Variants in PFAS observed in about 807,000 individuals in gnomAD.
PFAS encodes the protein phosphoribosylformylglycinamidine synthase.
PFAS carries 97 observed loss-of-function variants against 140.6 expected under a neutral mutation model. The observed-to-expected ratio is 0.69, with a 90% CI of 0.59 to 0.82. PFAS has a LOEUF of 0.82. PFAS is among the 40% of genes least tolerant of loss of function. PFAS has a pLI of 0.00. For synonymous variants in PFAS, 679 were observed against 718.8 expected (o/e 0.94, Z 0.88); for missense variants, 1,656 against 1,780.2 (o/e 0.93, Z 1.26).
Position 8,258,273 on chromosome 17 carries a change from T to G in PFAS, c.1336+74T>G, listed in dbSNP as rs1049506698. ...ACAGGATGGCTACAGGGAGGGAACT[T>G]AGGGAACACTTCAGTGGTTAGTTTT... On this transcript the variant is annotated intron_variant, in intron 11 of 27. Coordinates refer to ENST00000314666, the MANE Select transcript of PFAS (RefSeq NM_012393.3). The G allele has an allele frequency of 1.5e-5, 23 of 1,516,330 alleles. No individual in the cohort carries two copies. The Admixed American group carries it at 4.1e-4, about 27-fold the overall frequency. 93.9% of individuals were successfully genotyped at this position (1,516,330 alleles called of 1,614,324 possible). A position where few individuals can be genotyped will look rare whatever the true frequency, so the allele number is the denominator to read the frequency against.
In PFAS at chr17:8,265,846, C is replaced by T; in HGVS notation, c.2546-16C>T. On this transcript the variant is annotated splice_polypyrimidine_tract_variant and intron_variant, in intron 20 of 27. Transcript: ENST00000314666. ...CTGAGCTGTTCCCCTCCCCTCACCC[C>T]TCCCCGTCTCCCCAGGCCATCTGCT... The T allele has an allele frequency of 6.3e-7, 1 of 1,586,300 alleles. No individual in the cohort carries two copies. Among genetic ancestry groups the T allele is most frequent in the South Asian group, 1.2e-5 (1 of 86,568 alleles).
chr17:8,249,889 A>T (rs1989082677), intron 1 of PFAS, among the ~76,000 whole-genome samples: 1 of 150,908 alleles, frequency 6.6e-6, no homozygotes, highest in African/African-American at 2.5e-5. Flanking sequence ...AAGCAGCAAC[A>T]TCCCATGCCC....
Position 8,263,106 on chromosome 17 carries a change from C to A in PFAS, c.1411-3C>A, listed in dbSNP as rs770488452. The A allele has an allele frequency of 5.0e-6, 8 of 1,613,956 alleles. No homozygotes were observed. Among genetic ancestry groups the A allele is most frequent in the Non-Finnish European group, 5.9e-6 (7 of 1,179,826 alleles). On this transcript the variant is annotated splice_polypyrimidine_tract_variant and splice_region_variant and intron_variant, in intron 12 of 27. Transcript: ENST00000314666. ...AGCTGAGCTATGCCATATATGCCCC[C>A]AGGTGCAGGGAGATAACACCAGTGA...
At chr17:8,261,051 A>T (rs1237247330) in intron 11 of PFAS, among the ~76,000 whole-genome samples, 1 of 152,238 alleles carries the variant, frequency 6.6e-6, no homozygotes, top group Non-Finnish European at 1.5e-5. Flanking sequence ...TTTCCAAAGC[A>T]GCTGTACCAT....
intron 11 of PFAS, among the ~76,000 whole-genome samples, chr17:8,259,363 T>A (rs1411876818): frequency 6.6e-6 from 1 of 152,150 alleles, no homozygotes; most frequent in Non-Finnish European, 1.5e-5. Flanking sequence ...CTTGAGCTCC[T>A]GGGCTCAAGC....
At position 8,266,464 on chromosome 17, in the gene PFAS, T is replaced by C; in HGVS notation, c.2821+111T>C. On this transcript the variant is annotated intron_variant, in intron 22 of 27. Transcript: ENST00000314666. The surrounding 1 kb of genome is among the most constrained non-coding windows in gnomAD (Gnocchi z 5.0). ...CCCTCCAGTCCCCTTTCCCTGAGTCTTCCCTGACTAGCTTTTCTGTGCTGT... is the reference window on the plus strand; with the variant it reads ...CCCTCCAGTCCCCTTTCCCTGAGTCCTCCCTGACTAGCTTTTCTGTGCTGT... 2.0e-6 allele frequency: 3 copies of C among 1,527,034 alleles called. No individual in the cohort carries two copies. The highest frequency in any genetic ancestry group is 2.6e-6 in the Non-Finnish European group (3 of 1,137,886). The allele number at this position is 1,527,034 out of a possible 1,614,324, so 94.6% of individuals were successfully genotyped here.
rs1179927048 is a variant in PFAS, at chr17:8,253,930, C to T, written c.-8C>T. The stretch of plus-strand genomic sequence containing the variant: ...GACACCTCTCTCCAGCAAAGGACAC[C>T]TGCAGAGATGTCCCCAGTCCTTCAC... On this transcript the variant is annotated 5_prime_UTR_variant, in exon 2 of 28. Coordinates refer to ENST00000314666, the MANE Select transcript of PFAS (RefSeq NM_012393.3). The T allele has an allele frequency of 6.2e-7, 1 of 1,609,836 alleles. No homozygotes were observed. Among genetic ancestry groups the T allele is most frequent in the Admixed American group, 1.7e-5 (1 of 59,694 alleles).
chr17:8,264,861 CT>C, intron 17 of PFAS, 33 bp from the exon 18 acceptor site: 3 of 1,439,416 alleles, frequency 2.1e-6, no homozygotes, highest in Non-Finnish European at 2.8e-6. Flanking sequence ...GTCCCTGTCC[CT>C]TGCTCTCTTG....
In PFAS at chr17:8,267,294, C is replaced by T. The variant is rs1989857410; in HGVS notation, c.3175+59C>T. The T allele has an allele frequency of 6.3e-7, 1 of 1,582,974 alleles. No individual in the cohort carries two copies. The highest frequency in any genetic ancestry group is 8.7e-7 in the Non-Finnish European group (1 of 1,153,528). ...GGGGCACTGAGCCTGGATGCCTGGG[C>T]CTGCCCTCAGAAAGGTGTCTGGGGA... On this transcript the variant is annotated intron_variant, in intron 24 of 27. Coordinates refer to ENST00000314666, the MANE Select transcript of PFAS (RefSeq NM_012393.3). This position sits in a 1 kb window ranked among gnomAD's most constrained non-coding sequence, Gnocchi z 4.9.
At chr17:8,257,613 G>C (rs1457565244) in intron 9 of PFAS, among the ~76,000 whole-genome samples, 194 bp from the exon 10 acceptor site, 1 of 152,158 alleles carries the variant, frequency 6.6e-6, no homozygotes, top group Non-Finnish European at 1.5e-5. Flanking sequence ...GGGAAGGCTG[G>C]TGTGGGTGGT....
rs763042443 is a variant in PFAS, at chr17:8,253,873, T to G, written c.-65T>G. The G allele has an allele frequency of 3.6e-5, 55 of 1,535,220 alleles. No homozygotes were observed. Among genetic ancestry groups the G allele is most frequent in the Middle Eastern group, 1.7e-4 (1 of 5,728 alleles). ...TTATTTTTTAGGAACCTAATTCATC[T>G]CTCCAGCAAAGGACACATCTCTCCA... On this transcript the variant is annotated 5_prime_UTR_variant, in exon 2 of 28. Transcript: ENST00000314666.
intron 1 of PFAS, among the ~76,000 whole-genome samples, chr17:8,250,900 T>C (rs566013172): frequency 1.8e-4 from 27 of 151,894 alleles, no homozygotes; most frequent in Admixed American, 4.6e-4. Context: ...GAGTGCAGGG[T>C]GAGGTCATGA....
At position 8,267,551 on chromosome 17, in the gene PFAS, G is replaced by A. The variant is rs1989869735; in HGVS notation, c.3268G>A (p.Val1090Ile). The A allele has an allele frequency of 2.5e-6, 4 of 1,606,602 alleles. No individual in the cohort carries two copies. The highest frequency in any genetic ancestry group is 1.7e-5 in the Admixed American group (1 of 59,958). The stretch of plus-strand genomic sequence containing the variant: ...ACACTCCCCCTCCCCACCTTCGCAG[G>A]TATGGGACGTGACCATGCAGGACCT... ...ADAFHLAGFE[V>I]WDVTMQDLCS... Residue 1090 changes from valine (V) to isoleucine (I), a missense_variant and splice_region_variant, in exon 26 of 28, where the codon GTA becomes ATA. Transcript: ENST00000314666. This position sits in a 1 kb window ranked among gnomAD's most constrained non-coding sequence, Gnocchi z 4.9.
At position 8,263,426 on chromosome 17, in the gene PFAS, C is replaced by CCTG. The variant is rs1316224915; in HGVS notation, c.1568-144_1568-142dup. 5 of 992,770 alleles carry CCTG rather than the reference C, an allele frequency of 5.0e-6. No individual in the cohort carries two copies. In the African/African-American group the frequency reaches 8.0e-5, roughly 16 times the overall value. The allele number at this position is 992,770 out of a possible 1,614,324, so 61.5% of individuals were successfully genotyped here. ...AGGTTCAGGGTTGGAAGGGTGGAAG[C>CCTG]CTGCTGCCGTGGGATGATTGGTGGT... On this transcript the variant is annotated intron_variant, in intron 13 of 27. Transcript: ENST00000314666.
In PFAS at chr17:8,253,910, C is replaced by A. The variant is rs374748339; in HGVS notation, c.-28C>A. The A allele has an allele frequency of 6.3e-7, 1 of 1,596,120 alleles. No homozygotes were observed. Among genetic ancestry groups the A allele is most frequent in the Non-Finnish European group, 8.6e-7 (1 of 1,168,966 alleles). On this transcript the variant is annotated 5_prime_UTR_variant, in exon 2 of 28. Coordinates refer to ENST00000314666, the MANE Select transcript of PFAS (RefSeq NM_012393.3). ...GACACATCTCTCCAGCAAAGGACAC[C>A]TCTCTCCAGCAAAGGACACCTGCAG...
intron 11 of PFAS, among the ~76,000 whole-genome samples, chr17:8,259,802 A>C (rs1022326115): frequency 1.4e-5 from 2 of 144,706 alleles, no homozygotes; most frequent in African/African-American, 5.1e-5. Context: ...AAAGAATAAA[A>C]ATAAAAAATA....
chr17:8,252,487 TC>T (rs1256818254), intron 1 of PFAS, among the ~76,000 whole-genome samples: 8 of 151,542 alleles, frequency 5.3e-5, no homozygotes, highest in Admixed American at 1.3e-4. Context: ...CACTGCAACT[TC>T]CGCCTCCCGG....
intron 11 of PFAS, among the ~76,000 whole-genome samples, chr17:8,261,660 G>A (rs1266312801): frequency 6.6e-6 from 1 of 151,616 alleles, no homozygotes; most frequent in East Asian, 1.9e-4. Flanking sequence ...ACCCAGGCTG[G>A]AGTGCAGTGG....
upstream of PFAS, chr17:8,249,239 C>T (rs997233907): frequency 6.6e-6 from 1 of 151,826 alleles, no homozygotes; most frequent in South Asian, 2.1e-4. Context: ...GTAGTCGCCC[C>T]GGCGCTGGCA....
Sources: allele counts gnomAD v4.1 joint callset (sites outside exome capture counted in the v4.1 genomes callset), GRCh38; gene constraint gnomAD v4.1.1; non-coding constraint Gnocchi (gnomAD v3.1); transcripts MANE v1.5; gene names NCBI Gene and HGNC (gene_info 2026-07-23, HGNC 2026-07-21).